Variants in PRKAR1B observed in about 807,000 individuals in gnomAD.
The protein encoded by PRKAR1B is protein kinase cAMP-dependent type I regulatory subunit beta.
PRKAR1B carries 22 observed loss-of-function variants against 46.5 expected under a neutral mutation model. The ratio of observed to expected loss-of-function variants is 0.47; its 90% CI spans 0.34 to 0.68. PRKAR1B has a LOEUF of 0.68. Among genes scored for constraint, PRKAR1B ranks in the 30% least tolerant of loss-of-function variants. The probability of loss-of-function intolerance (pLI) is 0.01; values close to 1 mark genes in which losing one functional copy is unlikely to be tolerated. For synonymous variants in PRKAR1B, 259 were observed against 217.7 expected (o/e 1.19, Z -1.67); for missense variants, 445 against 535.6 (o/e 0.83, Z 1.67).
rs74939612 is a variant in PRKAR1B, at chr7:596,140, A to G, written c.708+6T>C. The G allele has an allele frequency of 2.5e-3, 3,953 of 1,610,400 alleles. 8 individuals are homozygous for G. The highest frequency in any genetic ancestry group is 3.1e-3 in the Non-Finnish European group (3,678 of 1,177,410). On this transcript the variant is annotated splice_donor_region_variant and intron_variant, in intron 7 of 10. Coordinates refer to ENST00000537384, the MANE Select transcript of PRKAR1B (RefSeq NM_001164760.2). ...TGGCCTTCTCTGTGCTTGGGCACCAACTCACCATAAGGATGCGCCGGTAGC... is the reference window on the plus strand; with the variant it reads ...TGGCCTTCTCTGTGCTTGGGCACCAGCTCACCATAAGGATGCGCCGGTAGC...
intron 4 of PRKAR1B, among the ~76,000 whole-genome samples, chr7:669,820 G>T (rs1427079033): frequency 6.6e-6 from 1 of 150,896 alleles, no homozygotes; most frequent in African/African-American, 2.4e-5. Context: ...TTGCCACAAT[G>T]AAAACAAGAG....
chr7:583,079 G>A (rs1427882093), intron 8 of PRKAR1B, among the ~76,000 whole-genome samples: 1 of 152,012 alleles, frequency 6.6e-6, no homozygotes, highest in African/African-American at 2.4e-5. Flanking sequence ...GGGGGGTGAC[G>A]GCTCACAGGG....
intron 1 of PRKAR1B, among the ~76,000 whole-genome samples, chr7:713,544 T>C (rs1301977335): frequency 6.6e-6 from 1 of 151,774 alleles, no homozygotes; most frequent in Admixed American, 6.6e-5. Flanking sequence ...CACTCAGCCC[T>C]CCCATGCTCA....
At chr7:672,546 T>G (rs927107963) in intron 4 of PRKAR1B, among the ~76,000 whole-genome samples, 1 of 151,706 alleles carries the variant, frequency 6.6e-6, no homozygotes, top group South Asian at 2.1e-4. Context: ...AAAGAAAACG[T>G]TGGATGGTCT....
At chr7:680,750 A>G (rs1478844301) in intron 2 of PRKAR1B, 24 bp from the exon 3 acceptor site, 4 of 1,613,374 alleles carry the variant, frequency 2.5e-6, no homozygotes, top group Non-Finnish European at 2.5e-6. Flanking sequence ...GAAAACACAG[A>G]AAGGAAGTAA....
At chr7:590,566 C>T (rs1028376841) in intron 7 of PRKAR1B, among the ~76,000 whole-genome samples, 12 of 152,230 alleles carry the variant, frequency 7.9e-5, no homozygotes, top group African/African-American at 2.4e-4. Context: ...CAGACGCAGA[C>T]GCAGGAGATG....
At chr7:627,727 C>T (rs938640217) in intron 4 of PRKAR1B, among the ~76,000 whole-genome samples, 52 of 152,206 alleles carry the variant, frequency 3.4e-4, no homozygotes, top group African/African-American at 1.2e-3. Flanking sequence ...CCGCCCAGCT[C>T]ACGCCCGCCC....
At chr7:719,226 G>C (rs1051749628) in intron 1 of PRKAR1B, among the ~76,000 whole-genome samples, 1 of 152,014 alleles carries the variant, frequency 6.6e-6, no homozygotes, top group Non-Finnish European at 1.5e-5. Flanking sequence ...TTTTAGTAGA[G>C]ACGCGGTTTC....
chr7:658,596 C>T lies in PRKAR1B; in HGVS notation c.440+18633G>A, dbSNP rs148396502. Among the ~76,000 whole-genome samples the T allele has an allele frequency of 6.4e-3, 980 of 152,268 alleles. 7 individuals carry two copies. The highest frequency in any genetic ancestry group is 0.017 in the South Asian group (84 of 4,818). On this transcript the variant is annotated intron_variant, in intron 4 of 10. Coordinates refer to ENST00000537384, the MANE Select transcript of PRKAR1B (RefSeq NM_001164760.2). ...TTGTGCTATGGAAGCCGGCGGCTCA[C>T]GAAAGCCACTCTTCTTTCATATACT...
intron 9 of PRKAR1B, among the ~76,000 whole-genome samples, chr7:557,233 G>C (rs541160746): frequency 7.4e-4 from 113 of 152,292 alleles, no homozygotes; most frequent in African/African-American, 2.6e-3. Flanking sequence ...AGCAGACCTG[G>C]GTTCGAATCC....
intron 4 of PRKAR1B, among the ~76,000 whole-genome samples, chr7:673,648 C>CA (rs35930924): frequency 0.065 from 8,492 of 131,362 alleles, 769 homozygotes; most frequent in African/African-American, 0.21. Flanking sequence ...GACTCCATCT[C>CA]AAAAAAAAAA....
chr7:628,423 G>A (rs1353325625), intron 4 of PRKAR1B, among the ~76,000 whole-genome samples: 1 of 152,246 alleles, frequency 6.6e-6, no homozygotes, highest in Non-Finnish European at 1.5e-5. Flanking sequence ...CCTCTCTCCA[G>A]ACTGGGATGC....
intron 7 of PRKAR1B, among the ~76,000 whole-genome samples, chr7:590,917 C>T (rs925921231): frequency 1.3e-5 from 2 of 152,298 alleles, no homozygotes; most frequent in African/African-American, 4.8e-5. Context: ...GTGTCTGCCC[C>T]CGAGAGCGGA....
intron 8 of PRKAR1B, among the ~76,000 whole-genome samples, chr7:582,864 G>A (rs1371781787): frequency 6.6e-6 from 1 of 152,244 alleles, no homozygotes; most frequent in Non-Finnish European, 1.5e-5. Flanking sequence ...TTTGCAGAGG[G>A]AGCAAATGTC....
chr7:672,512 CATGTGGGAATATT>C (rs565792320), intron 4 of PRKAR1B, among the ~76,000 whole-genome samples: 83 of 151,836 alleles, frequency 5.5e-4, no homozygotes, highest in East Asian at 4.6e-3. Flanking sequence ...ACTGTTCCCA[CATGTGGGAATATT>C]TGAGCCAGAA....
intron 1 of PRKAR1B, among the ~76,000 whole-genome samples, chr7:721,858 T>C (rs1229717779): frequency 6.6e-6 from 1 of 152,166 alleles, no homozygotes; most frequent in African/African-American, 2.4e-5. Flanking sequence ...CACTTCTTTC[T>C]GGCCTTTTGT....
chr7:606,228 C>T lies in PRKAR1B; in HGVS notation c.514G>A (p.Asp172Asn). Residue 172 changes from aspartate (D) to asparagine (N), a missense_variant, in exon 6 of 11, where the codon GAC becomes AAC. Asp to Asn is a conservative substitution (Grantham distance 23). Coordinates refer to ENST00000537384, the MANE Select transcript of PRKAR1B (RefSeq NM_001164760.2). ...CCTTGATCAACGACATAGAAGTTGT[C>T]TCCTTCATTCCCTGTAACAAAAGAA... ...ETVIQQGNEG[D>N]NFYVVDQGEV... 2 of 1,613,712 alleles carry T rather than the reference C, an allele frequency of 1.2e-6. No homozygotes were observed. The highest frequency in any genetic ancestry group is 1.7e-6 in the Non-Finnish European group (2 of 1,179,736).
chr7:652,489 AG>A (rs1361702867), intron 4 of PRKAR1B, among the ~76,000 whole-genome samples: 1 of 151,730 alleles, frequency 6.6e-6, no homozygotes, highest in Non-Finnish European at 1.5e-5. Context: ...CTCGGAAGAC[AG>A]TTCACACCCA....
intron 2 of PRKAR1B, among the ~76,000 whole-genome samples, chr7:682,820 G>A (rs1778769129): frequency 6.6e-6 from 1 of 152,292 alleles, no homozygotes; most frequent in African/African-American, 2.4e-5. Context: ...GTGTGCAGAA[G>A]CAATGCTGGC....
Sources: allele counts gnomAD v4.1 joint callset (sites outside exome capture counted in the v4.1 genomes callset), GRCh38; gene constraint gnomAD v4.1.1; transcripts MANE v1.5; gene names NCBI Gene and HGNC (gene_info 2026-07-23, HGNC 2026-07-21).